Variants in TRIP4 observed in about 807,000 individuals in gnomAD.
TRIP4 encodes the protein thyroid hormone receptor interactor 4.
TRIP4 carries 54 observed loss-of-function variants against 81.8 expected under a neutral mutation model. The ratio of observed to expected loss-of-function variants is 0.66; its 90% CI spans 0.53 to 0.83. TRIP4 has a LOEUF of 0.83. Ranked by LOEUF, TRIP4 falls within the 40% of genes least tolerant of loss-of-function variation. The probability of loss-of-function intolerance (pLI) is 0.00; values close to 1 mark genes in which losing one functional copy is unlikely to be tolerated. For synonymous variants in TRIP4, 270 were observed against 242.8 expected (o/e 1.11, Z -1.04); for missense variants, 662 against 683.6 (o/e 0.97, Z 0.35).
intron 1 of TRIP4, among the ~76,000 whole-genome samples, chr15:64,389,473 A>G (rs1000220255): frequency 3.9e-5 from 6 of 152,134 alleles, no homozygotes; most frequent in Non-Finnish European, 8.8e-5. Context: ...CTCTACAGAA[A>G]TAAAAAAAGT....
intron 10 of TRIP4, 61 bp from the exon 11 acceptor site, chr15:64,425,479 C>G (rs1892119833): frequency 7.4e-7 from 1 of 1,359,302 alleles, no homozygotes; most frequent in African/African-American, 1.5e-5. Flanking sequence ...AAAACAGATT[C>G]CTGAGTTCCA....
rs1370036833 is a variant in TRIP4 at position 64,424,951 on chromosome 15, A to G, written c.1484-589A>G. 5.3e-5 allele frequency among the ~76,000 whole-genome samples: 8 copies of G among 151,932 alleles called. 1 individual carries two copies. The East Asian group carries it at 7.7e-4, about 15-fold the overall frequency. The stretch of plus-strand genomic sequence containing the variant: ...CCACCACACCCAGCTAATTTTTTGT[A>G]TTTTTAGTAGAGACAGGGTTTCACC... On this transcript the variant is annotated intron_variant, in intron 10 of 12. Coordinates refer to ENST00000261884, the MANE Select transcript of TRIP4 (RefSeq NM_016213.5).
Position 64,424,061 on chromosome 15 carries a change from C to G in TRIP4, c.1389C>G (p.His463Gln), listed in dbSNP as rs142075785. The change falls in exon 10 of 13, where the codon CAC (histidine) becomes CAG (glutamine). Residue 463 changes from histidine (H) to glutamine (Q), a missense_variant. Coordinates refer to ENST00000261884, the MANE Select transcript of TRIP4 (RefSeq NM_016213.5). ...RVEGRSWYTP[H>Q]RGRLWIAATA... ...AGGGCAGATCCTGGTACACCCCCCA[C>G]AGAGGACGACTTTGGATAGCAGCCA... 6.2e-7 allele frequency: 1 copy of G among 1,614,010 alleles called. No homozygotes were observed. The highest frequency in any genetic ancestry group is 8.5e-7 in the Non-Finnish European group (1 of 1,180,022).
chr15:64,403,009 G>C (rs1004687733), intron 5 of TRIP4, among the ~76,000 whole-genome samples: 1 of 151,376 alleles, frequency 6.6e-6, no homozygotes, highest in Non-Finnish European at 1.5e-5. Flanking sequence ...GGCGACGCCC[G>C]CCACCATGCC....
At chr15:64,424,921 G>T (rs1307562360) in intron 10 of TRIP4, among the ~76,000 whole-genome samples, 1 of 152,042 alleles carries the variant, frequency 6.6e-6, no homozygotes, top group Non-Finnish European at 1.5e-5. Context: ...GACCACAGGC[G>T]CATGCCACCA....
In TRIP4 at chr15:64,395,537, TGCTTATAGATTGAA is replaced by T; in HGVS notation, c.405+11_405+24del. On this transcript the variant is annotated splice_region_variant and intron_variant, in intron 3 of 12. Transcript: ENST00000261884. ...CACCTTTTGATTTGGCCAAGGTGAGTGCTTATAGATTGAAGCTTTTTCTGACTATTGGAGAAGAG... is the reference window on the plus strand; with the variant it reads ...CACCTTTTGATTTGGCCAAGGTGAGTGCTTTTTCTGACTATTGGAGAAGAG... 6.3e-7 allele frequency: 1 copy of T among 1,598,416 alleles called. No individual in the cohort carries two copies. Among genetic ancestry groups the T allele is most frequent in the South Asian group, 1.1e-5 (1 of 88,014 alleles).
intron 11 of TRIP4, among the ~76,000 whole-genome samples, chr15:64,434,678 G>T (rs1028445146): frequency 1.3e-5 from 2 of 152,126 alleles, no homozygotes; most frequent in Non-Finnish European, 2.9e-5. Context: ...ATATGTTCTA[G>T]GATAATGCCA....
At chr15:64,448,367 T>G (rs574176253) in intron 12 of TRIP4, among the ~76,000 whole-genome samples, 24 of 152,334 alleles carry the variant, frequency 1.6e-4, no homozygotes, top group African/African-American at 5.5e-4. Flanking sequence ...AGTGACATTC[T>G]TAGGAGAAAC....
At chr15:64,411,757 G>T (rs1805953152) in intron 7 of TRIP4, among the ~76,000 whole-genome samples, 1 of 150,586 alleles carries the variant, frequency 6.6e-6, no homozygotes, top group Non-Finnish European at 1.5e-5. Flanking sequence ...TTGGCTCACT[G>T]CAAGCTCCGC....
At chr15:64,404,342 T>C (rs778531878) in intron 5 of TRIP4, among the ~76,000 whole-genome samples, 2 of 152,180 alleles carry the variant, frequency 1.3e-5, no homozygotes, top group Non-Finnish European at 1.5e-5. Context: ...TTATTTGTTT[T>C]GAGACAGAGT....
chr15:64,429,553 G>A (rs2078459884), intron 11 of TRIP4, among the ~76,000 whole-genome samples: 2 of 152,090 alleles, frequency 1.3e-5, no homozygotes, highest in Admixed American at 6.6e-5. Context: ...ATGCTAGTGT[G>A]GATTATGACT....
chr15:64,424,010 C>T lies in TRIP4; in HGVS notation c.1359-21C>T, dbSNP rs773776229. Reference sequence around the variant, plus strand: ...GAAACTAGAATTTATATCCTTCCCACTAAATTTCTATTTGTTTAAGGGTGG... The same window carrying T: ...GAAACTAGAATTTATATCCTTCCCATTAAATTTCTATTTGTTTAAGGGTGG... On this transcript the variant is annotated intron_variant, in intron 9 of 12. Transcript: ENST00000261884. 8.1e-6 allele frequency: 13 copies of T among 1,612,526 alleles called. No homozygotes were observed. The African/African-American group carries it at 1.3e-4, about 17-fold the overall frequency.
At chr15:64,412,393 A>AGG (rs1891785050) in intron 7 of TRIP4, among the ~76,000 whole-genome samples, 4 of 152,094 alleles carry the variant, frequency 2.6e-5, no homozygotes, top group Admixed American at 6.6e-5. Flanking sequence ...TGCATTTCAC[A>AGG]TACCTACCTC....
intron 12 of TRIP4, among the ~76,000 whole-genome samples, chr15:64,448,530 C>G (rs1808437457): frequency 6.6e-6 from 1 of 152,134 alleles, no homozygotes; most frequent in African/African-American, 2.4e-5. Flanking sequence ...GTGGCACAAT[C>G]TCAATTCACT....
chr15:64,438,372 T>C (rs929172956), intron 11 of TRIP4, among the ~76,000 whole-genome samples: 11 of 152,208 alleles, frequency 7.2e-5, no homozygotes, highest in Non-Finnish European at 1.6e-4. Context: ...TAGGCTGGAG[T>C]GCAATGGCAC....
intron 11 of TRIP4, among the ~76,000 whole-genome samples, chr15:64,437,853 C>T (rs1169315664): frequency 1.3e-5 from 2 of 152,032 alleles, no homozygotes; most frequent in African/African-American, 4.8e-5. Flanking sequence ...ATGGGGCAAG[C>T]CTGAAAACAG....
At chr15:64,424,279 A>ATGTT in intron 10 of TRIP4, 124 bp downstream of exon 10, 2 of 1,377,010 alleles carry the variant, frequency 1.5e-6, no homozygotes, top group South Asian at 1.4e-5. Context: ...ATCTTTGTAT[A>ATGTT]TGTTTGTTTG....
At chr15:64,393,291 A>T (rs1900188929) in intron 1 of TRIP4, 1 of 150,208 alleles carries the variant, frequency 6.7e-6, no homozygotes, top group Non-Finnish European at 1.5e-5. Flanking sequence ...CTGGGACTAC[A>T]GGCGCCTGCT....
At chr15:64,433,917 A>AT (rs35935166) in intron 11 of TRIP4, among the ~76,000 whole-genome samples, 1 of 151,162 alleles carries the variant, frequency 6.6e-6, no homozygotes, top group East Asian at 1.9e-4. Flanking sequence ...TTTGTGTGTG[A>AT]TTTTTTTTTT....
Sources: gnomAD v4.1 joint callset for allele counts (sites outside exome capture counted in the v4.1 genomes callset) on GRCh38, gnomAD v4.1.1 for gene constraint, MANE v1.5 for transcripts, NCBI Gene and HGNC (gene_info 2026-07-23, HGNC 2026-07-21) for gene names.